SSH2: variants seen among roughly 807,000 people sequenced by gnomAD.
The protein encoded by SSH2 is slingshot protein phosphatase 2.
SSH2 carries 37 observed loss-of-function variants against 135.2 expected under a neutral mutation model. That is an observed-to-expected ratio of 0.27 (90% CI 0.21 to 0.36). SSH2 has a LOEUF of 0.36. SSH2 is among the 10% of genes least tolerant of loss of function. The pLI is 1.00. For synonymous variants in SSH2, 628 were observed against 646.2 expected (o/e 0.97, Z 0.43); for missense variants, 1,408 against 1,765.3 (o/e 0.80, Z 3.63).
chr17:29,680,171 T>C (rs2037911468), intron 6 of SSH2, among the ~76,000 whole-genome samples: 1 of 152,124 alleles, frequency 6.6e-6, no homozygotes, highest in Non-Finnish European at 1.5e-5. Context: ...ACATAATGAA[T>C]ACCAAACTTT....
intron 2 of SSH2, among the ~76,000 whole-genome samples, chr17:29,796,472 C>G (rs985070042): frequency 1.3e-5 from 2 of 152,130 alleles, no homozygotes; most frequent in Admixed American, 6.5e-5. Context: ...TCCTGAGTAG[C>G]TAGGATTACA....
chr17:29,910,449 T>G (rs1451012681), intron 1 of SSH2, among the ~76,000 whole-genome samples: 1 of 152,208 alleles, frequency 6.6e-6, no homozygotes, highest in African/African-American at 2.4e-5. Context: ...AGCACCACAA[T>G]CTGACCCAAG....
At chr17:29,729,040 A>G (rs531761925) in intron 3 of SSH2, among the ~76,000 whole-genome samples, 1 of 152,344 alleles carries the variant, frequency 6.6e-6, no homozygotes, top group South Asian at 2.1e-4. Context: ...AAAAATGGAC[A>G]AACAGGATCA....
At chr17:29,801,247 T>C (rs2042246470) in intron 2 of SSH2, among the ~76,000 whole-genome samples, 1 of 152,172 alleles carries the variant, frequency 6.6e-6, no homozygotes, top group Non-Finnish European at 1.5e-5. Context: ...CTAAATAAAA[T>C]ATGTCTGGAA....
intron 12 of SSH2, among the ~76,000 whole-genome samples, chr17:29,654,200 C>A (rs1225233779): frequency 1.3e-5 from 2 of 152,160 alleles, no homozygotes. Context: ...TTACTGAGCA[C>A]CCTCTTGTTA....
chr17:29,648,911 C>T (rs1340057037), intron 13 of SSH2, among the ~76,000 whole-genome samples: 1 of 152,154 alleles, frequency 6.6e-6, no homozygotes, highest in African/African-American at 2.4e-5. Context: ...GAGGCTGAGG[C>T]AGGTGGATCA....
chr17:29,900,122 A>G (rs996344452), intron 1 of SSH2, among the ~76,000 whole-genome samples: 1 of 152,352 alleles, frequency 6.6e-6, no homozygotes. Context: ...ACCTTATACA[A>G]AAATTAGTTC....
intron 3 of SSH2, among the ~76,000 whole-genome samples, chr17:29,745,117 A>G (rs2040714924): frequency 6.6e-6 from 1 of 151,980 alleles, no homozygotes; most frequent in Non-Finnish European, 1.5e-5. Flanking sequence ...TGCTCTGCCC[A>G]TATGATATAC....
intron 14 of SSH2, 102 bp from the exon 15 acceptor site, chr17:29,636,904 C>T (rs2150972050): frequency 1.2e-6 from 1 of 844,660 alleles, no homozygotes; most frequent in Non-Finnish European, 1.9e-6. Flanking sequence ...TGTAAAAATG[C>T]TTTGTTATTG....
chr17:29,664,217 C>A lies in SSH2; in HGVS notation c.1032+2650G>T, dbSNP rs1376162560. On this transcript the variant is annotated intron_variant, in intron 11 of 15. Transcript: ENST00000540801. ...TGAAATCCCGTCTCTACTAAAAACACAAAAAATTAGCCAGGCGTGGTAGTG... is the reference window on the plus strand; with the variant it reads ...TGAAATCCCGTCTCTACTAAAAACAAAAAAAATTAGCCAGGCGTGGTAGTG... 2.0e-5 allele frequency among the ~76,000 whole-genome samples: 3 copies of A among 151,954 alleles called. No homozygotes were observed. The East Asian group carries it at 5.8e-4, about 29-fold the overall frequency.
intron 3 of SSH2, among the ~76,000 whole-genome samples, chr17:29,715,713 A>T (rs1433939188): frequency 6.6e-6 from 1 of 152,242 alleles, no homozygotes; most frequent in African/African-American, 2.4e-5. Flanking sequence ...CACTAAATAA[A>T]TGTTTAGCAA....
intron 3 of SSH2, among the ~76,000 whole-genome samples, chr17:29,760,779 G>A (rs1476925476): frequency 1.3e-5 from 2 of 151,190 alleles, no homozygotes; most frequent in Non-Finnish European, 2.9e-5. Flanking sequence ...GGACCCACAG[G>A]GACTCCCGCT....
intron 3 of SSH2, among the ~76,000 whole-genome samples, chr17:29,768,684 A>G (rs187004454): frequency 1.3e-5 from 2 of 152,314 alleles, no homozygotes; most frequent in African/African-American, 4.8e-5. Context: ...ATAAATTCAG[A>G]AGATATTTTG....
intron 14 of SSH2, chr17:29,640,880 A>G (rs1039091830): frequency 6.6e-6 from 1 of 151,892 alleles, no homozygotes; most frequent in Admixed American, 6.6e-5. Context: ...CTTGAACTTT[A>G]TATAAATGGT....
intron 1 of SSH2, among the ~76,000 whole-genome samples, chr17:29,865,767 C>T (rs12051834): frequency 0.42 from 63,293 of 151,986 alleles, 15,156 homozygotes; most frequent in East Asian, 0.69. Flanking sequence ...CTTCTAAAGA[C>T]TACCAGAAGA....
At chr17:29,704,840 C>A (rs1265589915) in intron 3 of SSH2, among the ~76,000 whole-genome samples, 1 of 151,928 alleles carries the variant, frequency 6.6e-6, no homozygotes, top group Admixed American at 6.6e-5. Context: ...CTCACAGAAT[C>A]TGAAAGGACA....
chr17:29,846,977 AG>A (rs1237059369), intron 2 of SSH2, among the ~76,000 whole-genome samples: 1 of 152,206 alleles, frequency 6.6e-6, no homozygotes, highest in Admixed American at 6.5e-5. Flanking sequence ...AAAACAATAC[AG>A]TTTTGAAATG....
intron 3 of SSH2, chr17:29,761,412 C>T (rs1203070814): frequency 1.9e-6 from 2 of 1,058,620 alleles, no homozygotes; most frequent in Non-Finnish European, 2.3e-6. Context: ...AGCCCCAGGG[C>T]TCGGCGGTAG....
In SSH2 at chr17:29,684,678, T is replaced by C; in HGVS notation, c.364A>G (p.Arg122Gly). 1 of 1,609,050 alleles carries C rather than the reference T, an allele frequency of 6.2e-7. No individual in the cohort carries two copies. The highest frequency in any genetic ancestry group is 8.5e-7 in the Non-Finnish European group (1 of 1,178,062). ...RPEDNIRLAVRLESTYQNRTR... is the reference protein window; with the variant it reads ...RPEDNIRLAVGLESTYQNRTR... ...CGATTCTGGTAAGTACTTTCCAGTC[T>C]TACAGCCTGGAATTTAGCAGACAAC... Residue 122 changes from arginine to glycine, a missense_variant, in exon 6 of 16, where the codon AGA becomes GGA. Arg to Gly is a moderately radical substitution (Grantham distance 125, BLOSUM62 -2). Around this residue, in one of 3 missense-constraint regions of SSH2, gnomAD observed 222 missense variants for 355.6 expected, o/e 0.62. Transcript: ENST00000540801.
Sources: allele counts gnomAD v4.1 joint callset (sites outside exome capture counted in the v4.1 genomes callset), GRCh38; gene constraint gnomAD v4.1.1; regional missense constraint gnomAD v4.1.1; transcripts MANE v1.5; gene names NCBI Gene and HGNC (gene_info 2026-07-23, HGNC 2026-07-21).